Variants in PTPRT observed in about 807,000 individuals in gnomAD.
PTPRT encodes the protein receptor-type tyrosine-protein phosphatase T.
Under a neutral mutation model 176.8 loss-of-function variants are expected in PTPRT, and 56 were observed. The observed-to-expected ratio is 0.32, with a 90% confidence interval of 0.26 to 0.40. The LOEUF (loss-of-function observed/expected upper bound fraction) is 0.40, where lower values mean the gene tolerates loss of function less well. Ranked by LOEUF, PTPRT falls within the 10% of genes least tolerant of loss-of-function variation. PTPRT has a pLI of 1.00. For missense variants in PTPRT, 1,540 were observed against 1,908.2 expected (o/e 0.81, Z 3.60); for synonymous variants, 783 against 739.0 (o/e 1.06, Z -0.96).
At chr20:42,720,750 A>G (rs973438006) in intron 6 of PTPRT, among the ~76,000 whole-genome samples, 3 of 152,172 alleles carry the variant, frequency 2.0e-5, no homozygotes, top group African/African-American at 2.4e-5. Flanking sequence ...AAATCCCCAG[A>G]TCACATACTT....
intron 2 of PTPRT, among the ~76,000 whole-genome samples, chr20:42,792,860 G>A (rs1202714451): frequency 6.6e-6 from 1 of 152,178 alleles, no homozygotes; most frequent in Non-Finnish European, 1.5e-5. Context: ...CAGGTTCTGA[G>A]TGAATTTAAA....
chr20:42,861,415 A>G (rs2078658083), intron 2 of PTPRT, among the ~76,000 whole-genome samples: 2 of 152,202 alleles, frequency 1.3e-5, no homozygotes, highest in Non-Finnish European at 2.9e-5. Flanking sequence ...GTATTTTTCA[A>G]CATCTCAAAA....
In PTPRT at chr20:42,896,872, T is replaced by C. The variant is rs528382592; in HGVS notation, c.89-10940A>G. 3.2e-4 allele frequency among the ~76,000 whole-genome samples: 49 copies of C among 152,248 alleles called. No individual in the cohort carries two copies. The South Asian group carries it at 9.5e-3, about 30-fold the overall frequency. On this transcript the variant is annotated intron_variant, in intron 1 of 30. Coordinates refer to ENST00000373187, the MANE Select transcript of PTPRT (RefSeq NM_007050.6). ...GTAATATCTAAGTGGGGCTTATTAATTGTGAACACCCTATCGTGGGTAGCT... is the reference window on the plus strand; with the variant it reads ...GTAATATCTAAGTGGGGCTTATTAACTGTGAACACCCTATCGTGGGTAGCT...
intron 11 of PTPRT, among the ~76,000 whole-genome samples, chr20:42,323,610 G>A (rs1225203575): frequency 2.6e-5 from 4 of 152,036 alleles, no homozygotes; most frequent in Non-Finnish European, 5.9e-5. Context: ...GGGGACTGTT[G>A]TGGGGTAGGG....
At chr20:42,939,451 C>A (rs896117892) in intron 1 of PTPRT, among the ~76,000 whole-genome samples, 2 of 152,226 alleles carry the variant, frequency 1.3e-5, no homozygotes, top group African/African-American at 2.4e-5. Flanking sequence ...GTCTTCCCCC[C>A]TCCTTTTCCT....
intron 9 of PTPRT, among the ~76,000 whole-genome samples, chr20:42,362,868 G>A (rs1197972739): frequency 6.6e-6 from 1 of 151,946 alleles, no homozygotes; most frequent in Non-Finnish European, 1.5e-5. Context: ...CACTTTGGGA[G>A]GCCAAGGGGG....
intron 5 of PTPRT, among the ~76,000 whole-genome samples, chr20:42,770,023 C>T (rs894301728): frequency 4.6e-5 from 7 of 152,182 alleles, no homozygotes; most frequent in Non-Finnish European, 1.0e-4. Context: ...TGCAAATATT[C>T]AATATCTTGA....
intron 13 of PTPRT, among the ~76,000 whole-genome samples, chr20:42,255,470 G>A (rs902050083): frequency 6.6e-6 from 1 of 152,154 alleles, no homozygotes; most frequent in Non-Finnish European, 1.5e-5. Context: ...GTAGGTCATA[G>A]AGGCTGAGGC....
chr20:42,520,368 C>T (rs913571825), intron 7 of PTPRT, among the ~76,000 whole-genome samples: 33 of 152,150 alleles, frequency 2.2e-4, no homozygotes, highest in African/African-American at 7.7e-4. Flanking sequence ...CAGTAACATA[C>T]CCTTTTCGGC....
intron 9 of PTPRT, among the ~76,000 whole-genome samples, chr20:42,445,664 T>C (rs999114): frequency 0.091 from 13,911 of 152,238 alleles, 1,186 homozygotes; most frequent in African/African-American, 0.22. Flanking sequence ...CCAGTTACAA[T>C]ACTCTGGTTC....
At chr20:43,109,473 C>G (rs2012767513) in intron 1 of PTPRT, among the ~76,000 whole-genome samples, 1 of 152,100 alleles carries the variant, frequency 6.6e-6, no homozygotes, top group Non-Finnish European at 1.5e-5. Context: ...TCACTTCCAG[C>G]CTTTAGTCCC....
At chr20:42,814,491 TTCAATAAA>T (rs2077748816) in intron 2 of PTPRT, among the ~76,000 whole-genome samples, 1 of 152,228 alleles carries the variant, frequency 6.6e-6, no homozygotes, top group Non-Finnish European at 1.5e-5. Flanking sequence ...AGAATATGTT[TTCAATAAA>T]TGTAGTTATG....
chr20:42,978,216 CTAA>C (rs947592337), intron 1 of PTPRT, among the ~76,000 whole-genome samples: 1 of 152,138 alleles, frequency 6.6e-6, no homozygotes, highest in African/African-American at 2.4e-5. Flanking sequence ...AGATTAATAA[CTAA>C]TAATAAAGTA....
chr20:42,284,742 G>T lies in PTPRT; in HGVS notation c.2140-2217C>A, dbSNP rs558304479. Among the ~76,000 whole-genome samples the T allele has an allele frequency of 2.0e-5, 3 of 152,078 alleles. No homozygotes were observed. The South Asian group carries it at 6.2e-4, about 31-fold the overall frequency. On this transcript the variant is annotated intron_variant, in intron 12 of 30. Transcript: ENST00000373187. ...AAAGAAGGTTGGGTTGACATGACTTGTTCTTCGGAACAAGTGTTTTCTTCT... is the reference window on the plus strand; with the variant it reads ...AAAGAAGGTTGGGTTGACATGACTTTTTCTTCGGAACAAGTGTTTTCTTCT...
chr20:42,771,308 T>C lies in PTPRT; in HGVS notation c.684+127A>G, dbSNP rs898716844. The C allele has an allele frequency of 1.5e-5, 12 of 823,220 alleles. No individual in the cohort carries two copies. In the African/African-American group the frequency reaches 2.0e-4, roughly 14 times the overall value. 51.0% of individuals were successfully genotyped at this position (823,220 alleles called of 1,614,324 possible). On this transcript the variant is annotated intron_variant, in intron 5 of 30. Transcript: ENST00000373187. ...TGTAAGCAAGGGTGGGCTCCGGTGC[T>C]AGCTGTTGTCCCCCTCTGCATGTCT...
chr20:42,241,558 T>A (rs536476951), intron 14 of PTPRT, among the ~76,000 whole-genome samples: 13 of 152,118 alleles, frequency 8.5e-5, no homozygotes, highest in Non-Finnish European at 1.9e-4. Context: ...CATCACTGAC[T>A]GGCCAACACA....
rs145993166 is a variant in PTPRT at position 42,520,981 on chromosome 20, T to TATCA, written c.1154-48420_1154-48419insTGAT. Among the ~76,000 whole-genome samples, 928 of 151,836 alleles carry TATCA rather than the reference T, an allele frequency of 6.1e-3. 16 individuals carry two copies. The highest frequency in any genetic ancestry group is 0.022 in the African/African-American group (891 of 41,252). ...CCACCAACCTACATACATATGTGAC[T>TATCA]ATCTGTCTGTCTGTCTATCTATCTA... On this transcript the variant is annotated intron_variant, in intron 7 of 30. Transcript: ENST00000373187.
At chr20:42,629,903 G>A (rs1049733765) in intron 7 of PTPRT, among the ~76,000 whole-genome samples, 3 of 152,184 alleles carry the variant, frequency 2.0e-5, no homozygotes, top group Admixed American at 2.0e-4. Context: ...TAGCGTTAGA[G>A]TCCACAACTG....
At chr20:42,227,967 C>A (rs573137124) in intron 15 of PTPRT, among the ~76,000 whole-genome samples, 7 of 152,232 alleles carry the variant, frequency 4.6e-5, no homozygotes, top group African/African-American at 1.2e-4. Context: ...CAGGAATTTT[C>A]TTTCTAACCA....
Sources: gnomAD v4.1 joint callset for allele counts (sites outside exome capture counted in the v4.1 genomes callset) on GRCh38, gnomAD v4.1.1 for gene constraint, MANE v1.5 for transcripts, NCBI Gene and HGNC (gene_info 2026-07-23, HGNC 2026-07-21) for gene names.